The following MACROD2 variants were observed in gnomAD, a reference collection of about 807,000 sequenced individuals.
MACROD2 encodes ADP-ribose glycohydrolase MACROD2.
In MACROD2, 36 loss-of-function variants were observed where a neutral mutation model predicts 70.4. The ratio of observed to expected loss-of-function variants is 0.51; its 90% CI spans 0.39 to 0.68. The LOEUF is 0.68. MACROD2 is among the 30% of genes least tolerant of loss of function. The pLI is 0.00. For missense variants in MACROD2, 496 were observed against 538.4 expected, an observed-to-expected ratio of 0.92 and a Z score of 0.78; for synonymous variants, 172 against 178.8, an observed-to-expected ratio of 0.96 and a Z score of 0.30.
intron 7 of MACROD2, among the ~76,000 whole-genome samples, chr20:15,439,997 C>A (rs1194926114): frequency 6.6e-6 from 1 of 152,070 alleles, no homozygotes; most frequent in Non-Finnish European, 1.5e-5. Flanking sequence ...GTGCTTTCTG[C>A]CCTTTGAGCC....
At position 14,326,569 on chromosome 20, in the gene MACROD2, A is replaced by G; in HGVS notation, c.272-166910A>G. 1.9e-6 allele frequency: 3 copies of G among 1,613,868 alleles called. No individual in the cohort carries two copies. Among genetic ancestry groups the G allele is most frequent in the Non-Finnish European group, 2.5e-6 (3 of 1,179,848 alleles). On this transcript the variant is annotated intron_variant, in intron 3 of 17. Transcript: ENST00000684519. The surrounding 1 kb of genome is among the most constrained non-coding windows in gnomAD (Gnocchi z 5.5). ...TTGTAACCAGTCACGTACCCATTTC[A>G]TCTTGCACCCGCAATACCAGGGATT...
intron 3 of MACROD2, among the ~76,000 whole-genome samples, chr20:14,103,594 G>A (rs1341474426): frequency 6.6e-6 from 1 of 152,110 alleles, no homozygotes; most frequent in African/African-American, 2.4e-5. Flanking sequence ...TCTAATGTTT[G>A]TAAGTATATA....
In MACROD2 at chr20:14,363,288, G is replaced by T. The variant is rs141524208; in HGVS notation, c.272-130191G>T. Reference sequence around the variant, plus strand: ...ATGAATTTCTCAACGGGGAGATACTGTAATTCCTCATTTTACAGCTGTGGA... The same window carrying T: ...ATGAATTTCTCAACGGGGAGATACTTTAATTCCTCATTTTACAGCTGTGGA... On this transcript the variant is annotated intron_variant, in intron 3 of 17. Coordinates refer to ENST00000684519, the MANE Select transcript of MACROD2 (RefSeq NM_001351661.2). 6.5e-3 allele frequency among the ~76,000 whole-genome samples: 991 copies of T among 152,206 alleles called. 4 individuals carry two copies. The highest frequency in any genetic ancestry group is 0.017 in the Middle Eastern group (5 of 294).
intron 5 of MACROD2, among the ~76,000 whole-genome samples, chr20:15,166,307 G>A (rs1042627479): frequency 2.6e-5 from 4 of 152,178 alleles, no homozygotes; most frequent in African/African-American, 9.7e-5. Flanking sequence ...ATTAGGTTAT[G>A]AGGGTGGAGG....
intron 5 of MACROD2, among the ~76,000 whole-genome samples, chr20:14,882,756 A>G (rs1303824600): frequency 2.0e-5 from 3 of 150,368 alleles, no homozygotes; most frequent in Non-Finnish European, 4.4e-5. Flanking sequence ...CAGGTCACCA[A>G]AGGAAATATG....
intron 8 of MACROD2, among the ~76,000 whole-genome samples, chr20:15,597,806 C>T (rs562657603): frequency 2.6e-4 from 40 of 152,288 alleles, no homozygotes; most frequent in Admixed American, 1.8e-3. Flanking sequence ...CAGCCGGGCA[C>T]GGTGGCTCAC....
At chr20:15,239,094 T>C (rs988026000) in intron 6 of MACROD2, among the ~76,000 whole-genome samples, 11 of 152,130 alleles carry the variant, frequency 7.2e-5, no homozygotes, top group African/African-American at 1.9e-4. Context: ...GTTTGAACAA[T>C]TGGGCAATTT....
At chr20:15,700,475 C>T (rs946604081) in intron 8 of MACROD2, among the ~76,000 whole-genome samples, 3 of 152,356 alleles carry the variant, frequency 2.0e-5, no homozygotes, top group Admixed American at 6.5e-5. Context: ...CTGAGCTTAG[C>T]AGTCTGCCCG....
chr20:15,878,336 A>G (rs1308830787), intron 9 of MACROD2, among the ~76,000 whole-genome samples: 6 of 152,112 alleles, frequency 3.9e-5, no homozygotes, highest in Non-Finnish European at 5.9e-5. Flanking sequence ...CAACAGGCCA[A>G]TATTGGTGCT....
chr20:15,112,862 G>A (rs1253748674), intron 5 of MACROD2, among the ~76,000 whole-genome samples: 1 of 151,922 alleles, frequency 6.6e-6, no homozygotes, highest in Non-Finnish European at 1.5e-5. Flanking sequence ...ACTGTTCTAG[G>A]TATGTCATAT....
intron 6 of MACROD2, among the ~76,000 whole-genome samples, chr20:15,279,488 A>C (rs566954532): frequency 3.9e-4 from 60 of 152,352 alleles, no homozygotes; most frequent in African/African-American, 1.4e-3. Context: ...CCACACATCA[A>C]TTAATAATGC....
At chr20:15,366,288 C>G (rs2045408448) in intron 6 of MACROD2, among the ~76,000 whole-genome samples, 1 of 152,074 alleles carries the variant, frequency 6.6e-6, no homozygotes, top group African/African-American at 2.4e-5. Context: ...AGTATCCTTC[C>G]AAAAGCCTCT....
chr20:15,787,498 G>T (rs2051949576), intron 8 of MACROD2, among the ~76,000 whole-genome samples: 1 of 151,922 alleles, frequency 6.6e-6, no homozygotes, highest in African/African-American at 2.4e-5. Context: ...CGTGGCTGTT[G>T]TTCCTATCTT....
intron 10 of MACROD2, among the ~76,000 whole-genome samples, chr20:15,901,870 C>T (rs2065069710): frequency 6.6e-6 from 1 of 152,146 alleles, no homozygotes; most frequent in African/African-American, 2.4e-5. Context: ...CTCATGGTCC[C>T]TTGAGATCTG....
chr20:15,656,567 C>T lies in MACROD2; in HGVS notation c.645+156720C>T, dbSNP rs2049733771. Among the ~76,000 whole-genome samples, 3 of 152,188 alleles carry T rather than the reference C, an allele frequency of 2.0e-5. No homozygotes were observed. The South Asian group carries it at 6.2e-4, about 32-fold the overall frequency. On this transcript the variant is annotated intron_variant, in intron 8 of 17. Transcript: ENST00000684519. The stretch of plus-strand genomic sequence containing the variant: ...AGCAATTAGAATCGTTTGTGCCAAA[C>T]CCCAGAGTTGGAACTGCAGGCCCTT...
chr20:15,405,535 A>G (rs73107073), intron 6 of MACROD2, among the ~76,000 whole-genome samples: 6,296 of 152,234 alleles, frequency 0.041, 169 homozygotes, highest in Middle Eastern at 0.082. Flanking sequence ...TGTTTGTGTC[A>G]CACACTTGTG....
At chr20:14,125,777 A>G (rs1327556841) in intron 3 of MACROD2, among the ~76,000 whole-genome samples, 2 of 152,186 alleles carry the variant, frequency 1.3e-5, no homozygotes. Context: ...CAGAAAAAAA[A>G]ATAGCAGCAA....
chr20:15,457,941 C>T (rs1287533967), intron 7 of MACROD2, among the ~76,000 whole-genome samples: 10 of 148,760 alleles, frequency 6.7e-5, no homozygotes, highest in Non-Finnish European at 1.5e-4. Flanking sequence ...TCTTTCTGCA[C>T]CTTAAATGAA....
At chr20:14,030,985 G>C (rs555095552) in intron 2 of MACROD2, among the ~76,000 whole-genome samples, 2 of 152,280 alleles carry the variant, frequency 1.3e-5, no homozygotes, top group East Asian at 3.9e-4. Context: ...CTCAAATTTA[G>C]ATATCAGGTT....
Sources: gnomAD v4.1 joint callset for allele counts (sites outside exome capture counted in the v4.1 genomes callset) on GRCh38, gnomAD v4.1.1 for gene constraint, Gnocchi (gnomAD v3.1) non-coding constraint, MANE v1.5 for transcripts, NCBI Gene and HGNC (gene_info 2026-07-23, HGNC 2026-07-21) for gene names.